Variants in UGT2B4 observed in about 807,000 individuals in gnomAD.
The protein encoded by UGT2B4 is UDP-glucuronosyltransferase 2B4.
In UGT2B4, 49 loss-of-function variants were observed where a neutral mutation model predicts 49.8. The observed-to-expected ratio is 0.98, with a 90% confidence interval of 0.78 to 1.25. The LOEUF (loss-of-function observed/expected upper bound fraction) is 1.25. Among genes scored for constraint, UGT2B4 ranks in the 50% most tolerant of loss-of-function variants. The probability of loss-of-function intolerance (pLI) is 0.00; values close to 1 mark genes in which losing one functional copy is unlikely to be tolerated. For synonymous variants in UGT2B4, 246 were observed against 217.7 expected (o/e 1.13, Z -1.14); for missense variants, 729 against 627.7 (o/e 1.16, Z -1.73).
intron 1 of UGT2B4, among the ~76,000 whole-genome samples, chr4:69,506,602 C>A (rs1220328899): frequency 6.6e-6 from 1 of 151,276 alleles, no homozygotes; most frequent in Admixed American, 6.6e-5. Context: ...CCAAACAAAG[C>A]CTAGGACCAG....
chr4:69,510,027 T>C (rs536389337), intron 1 of UGT2B4, among the ~76,000 whole-genome samples: 2 of 152,296 alleles, frequency 1.3e-5, no homozygotes, highest in East Asian at 3.9e-4. Flanking sequence ...AGTAGATTTT[T>C]TGTGTAGTGA....
At chr4:69,521,184 C>T (rs1471042018) in intron 1 of UGT2B4, among the ~76,000 whole-genome samples, 1 of 152,190 alleles carries the variant, frequency 6.6e-6, no homozygotes, top group East Asian at 1.9e-4. Context: ...CTAATTCTTC[C>T]TGGACATGGG....
At chr4:69,510,615 C>G (rs1216824396) in intron 1 of UGT2B4, among the ~76,000 whole-genome samples, 2 of 151,692 alleles carry the variant, frequency 1.3e-5, no homozygotes, top group Non-Finnish European at 2.9e-5. Flanking sequence ...TTCTTAATTC[C>G]TTTTTCTAAT....
At chr4:69,493,926 G>A in intron 1 of UGT2B4, 85 bp from the exon 2 acceptor site, 2 of 1,459,272 alleles carry the variant, frequency 1.4e-6, no homozygotes, top group Non-Finnish European at 9.1e-7. Flanking sequence ...AATAATGTGG[G>A]CAAAAATGTA....
intron 1 of UGT2B4, among the ~76,000 whole-genome samples, chr4:69,513,483 G>A (rs1434788639): frequency 6.6e-6 from 1 of 152,128 alleles, no homozygotes; most frequent in Admixed American, 6.6e-5. Flanking sequence ...TTTGGTTACT[G>A]TAGCCTTGTA....
intron 1 of UGT2B4, among the ~76,000 whole-genome samples, chr4:69,503,220 C>T (rs913377314): frequency 3.9e-5 from 6 of 152,134 alleles, no homozygotes; most frequent in Admixed American, 1.3e-4. Flanking sequence ...TGGACTTCTG[C>T]CCTTCCCCAG....
At chr4:69,484,373 A>G (rs1262948341) in intron 5 of UGT2B4, among the ~76,000 whole-genome samples, 2 of 152,224 alleles carry the variant, frequency 1.3e-5, no homozygotes, top group Non-Finnish European at 2.9e-5. Flanking sequence ...GGAAACAATC[A>G]AAAGGTGAAT....
At chr4:69,492,386 C>T (rs1728015247) in intron 2 of UGT2B4, among the ~76,000 whole-genome samples, 1 of 152,058 alleles carries the variant, frequency 6.6e-6, no homozygotes, top group Admixed American at 6.6e-5. Context: ...TAGAATCACA[C>T]ATTTATATCG....
upstream of UGT2B4, chr4:69,495,927 C>T: frequency 6.6e-7 from 1 of 1,518,914 alleles, no homozygotes; most frequent in Non-Finnish European, 8.8e-7. Flanking sequence ...TGGTGACATC[C>T]AGTATAAATC....
At chr4:69,500,625 G>GAA (rs745942218), upstream of UGT2B4, among the ~76,000 whole-genome samples, 4 of 130,294 alleles carry the variant, frequency 3.1e-5, no homozygotes, top group Non-Finnish European at 5.2e-5. Context: ...AAGAAAGAAA[G>GAA]AAAGAAAGAA....
At chr4:69,487,997 TTTGA>T (rs2109807156) in intron 3 of UGT2B4, among the ~76,000 whole-genome samples, 1 of 152,248 alleles carries the variant, frequency 6.6e-6, no homozygotes, top group Admixed American at 6.5e-5. Context: ...TTTGATGTCC[TTTGA>T]TTGACAAAAA....
intron 5 of UGT2B4, among the ~76,000 whole-genome samples, chr4:69,484,586 T>A (rs1727709128): frequency 6.6e-6 from 1 of 152,106 alleles, no homozygotes; most frequent in African/African-American, 2.4e-5. Context: ...GAGAGAATAA[T>A]CTATAGAGAA....
chr4:69,495,730 A>G lies in UGT2B4; in HGVS notation c.132T>C (p.Asp44=). The change falls in exon 1 of 6, where the codon GAT becomes GAC. Residue 44 remains aspartate, a synonymous_variant. Coordinates refer to ENST00000305107, the MANE Select transcript of UGT2B4 (RefSeq NM_021139.3). Reference sequence around the variant, plus strand: ...CCTCATGACCTCTCTGGACAAGTTCATCCAGGATTGTCTTTATATTCATCC... The same window carrying G: ...CCTCATGACCTCTCTGGACAAGTTCGTCCAGGATTGTCTTTATATTCATCC... ...SHWMNIKTIL[D]ELVQRGHEVT... 1.2e-6 allele frequency: 2 copies of G among 1,614,084 alleles called. No homozygotes were observed. Among genetic ancestry groups the G allele is most frequent in the Admixed American group, 1.7e-5 (1 of 60,008 alleles).
At chr4:69,502,105 CTTTCTT>C (rs1728340469) in intron 1 of UGT2B4, among the ~76,000 whole-genome samples, 2 of 109,740 alleles carry the variant, frequency 1.8e-5, no homozygotes, top group Non-Finnish European at 1.8e-5. Context: ...TTCTTTCTTT[CTTTCTT>C]TCTTTCTTTC....
chr4:69,500,021 T>G (rs1728259964), upstream of UGT2B4, among the ~76,000 whole-genome samples: 1 of 152,088 alleles, frequency 6.6e-6, no homozygotes, highest in Non-Finnish European at 1.5e-5. Context: ...ATAGACTGGA[T>G]AAAGAAAATG....
chr4:69,485,384 A>T lies in UGT2B4; in HGVS notation c.1134T>A (p.Asn378Lys). 1 of 1,613,924 alleles carries T rather than the reference A, an allele frequency of 6.2e-7. No individual in the cohort carries two copies. The highest frequency in any genetic ancestry group is 8.5e-7 in the Non-Finnish European group (1 of 1,179,834). Reference protein sequence around the residue: ...TRAFITHGGANGIYEAIYHGI... With the variant: ...TRAFITHGGAKGIYEAIYHGI... ...CATGGTAGATTGCCTCATAGATGCC[A>T]TTGGCTCCACCATGAGTTATAAAAG... Residue 378 changes from asparagine to lysine, a missense_variant, in exon 5 of 6, where the codon AAT becomes AAA. Asn to Lys is a moderately conservative substitution (Grantham distance 94). Coordinates refer to ENST00000305107, the MANE Select transcript of UGT2B4 (RefSeq NM_021139.3).
intron 1 of UGT2B4, among the ~76,000 whole-genome samples, chr4:69,502,592 T>C (rs1204824727): frequency 1.3e-5 from 2 of 152,056 alleles, no homozygotes; most frequent in Non-Finnish European, 2.9e-5. Context: ...CAGACTGTAA[T>C]GTGGTTGCCT....
chr4:69,486,804 C>T (rs1393662221), intron 3 of UGT2B4, 108 bp from the exon 4 acceptor site: 1 of 766,644 alleles, frequency 1.3e-6, no homozygotes, highest in African/African-American at 1.8e-5. Flanking sequence ...TGTTAAGTAA[C>T]AAGAACTACT....
rs539176187 is a variant in UGT2B4 at position 69,484,529 on chromosome 4, C to CATTT, written c.1310+675_1310+678dup. Reference sequence around the variant, plus strand: ...AAAAACTGTACTTGGTAAAAGAAGTCATTTACACATCATAAATTATATGAT... The same window carrying CATTT: ...AAAAACTGTACTTGGTAAAAGAAGTCATTTATTTACACATCATAAATTATATGAT... On this transcript the variant is annotated intron_variant, in intron 5 of 5. Transcript: ENST00000305107. 2.4e-3 allele frequency among the ~76,000 whole-genome samples: 362 copies of CATTT among 152,108 alleles called. 3 individuals carry two copies. Among genetic ancestry groups the CATTT allele is most frequent in the African/African-American group, 8.5e-3 (352 of 41,482 alleles).
Sources: allele counts gnomAD v4.1 joint callset (sites outside exome capture counted in the v4.1 genomes callset), GRCh38; gene constraint gnomAD v4.1.1; transcripts MANE v1.5; gene names NCBI Gene and HGNC (gene_info 2026-07-23, HGNC 2026-07-21).